Variants in NFATC1 observed in about 807,000 individuals in gnomAD.
NFATC1 encodes the protein nuclear factor of activated T-cells, cytoplasmic 1.
In NFATC1, 22 loss-of-function variants were observed where a neutral mutation model predicts 76.0. The ratio of observed to expected loss-of-function variants is 0.29; its 90% CI spans 0.21 to 0.41. The LOEUF (loss-of-function observed/expected upper bound fraction) is 0.41. NFATC1 is among the 10% of genes least tolerant of loss of function. NFATC1 has a pLI of 1.00. For synonymous variants in NFATC1, 704 were observed against 613.1 expected, an observed-to-expected ratio of 1.15 and a Z score of -2.19; for missense variants, 1,357 against 1,337.7, an observed-to-expected ratio of 1.01 and a Z score of -0.23.
intron 2 of NFATC1, among the ~76,000 whole-genome samples, chr18:79,419,580 GTTA>G (rs2086001344): frequency 6.6e-6 from 1 of 152,166 alleles, no homozygotes; most frequent in African/African-American, 2.4e-5. Flanking sequence ...AACCTGCCTG[GTTA>G]GCTCAGATGC....
chr18:79,440,402 G>A (rs773765645), intron 3 of NFATC1, among the ~76,000 whole-genome samples: 6 of 152,228 alleles, frequency 3.9e-5, no homozygotes, highest in South Asian at 2.1e-4. Flanking sequence ...GAGTGGACAC[G>A]TCACCTGGAG....
intron 8 of NFATC1, among the ~76,000 whole-genome samples, chr18:79,476,112 G>C (rs2089056411): frequency 6.6e-6 from 1 of 152,216 alleles, no homozygotes; most frequent in Non-Finnish European, 1.5e-5. Flanking sequence ...CAAACCAGGA[G>C]GTGTGAGTCA....
At chr18:79,490,037 C>T (rs2089630965) in intron 9 of NFATC1, among the ~76,000 whole-genome samples, 1 of 152,224 alleles carries the variant, frequency 6.6e-6, no homozygotes, top group African/African-American at 2.4e-5. Flanking sequence ...GCCAGGACCA[C>T]AGCAGTTAGG....
At chr18:79,458,144 C>G (rs2087837587) in intron 6 of NFATC1, among the ~76,000 whole-genome samples, 1 of 152,208 alleles carries the variant, frequency 6.6e-6, no homozygotes, top group African/African-American at 2.4e-5. Context: ...GCCCTGCAGG[C>G]AGATGTGCAG....
chr18:79,422,025 C>T (rs2086111087), intron 2 of NFATC1: 2 of 152,230 alleles, frequency 1.3e-5, no homozygotes, highest in African/African-American at 4.8e-5. Context: ...ATTTGAGAAA[C>T]CGCTGTATTT....
rs755032846 is a variant in NFATC1, at chr18:79,451,964, G to A, written c.1903+148G>A. On this transcript the variant is annotated intron_variant, in intron 6 of 9. Coordinates refer to ENST00000427363, the MANE Select transcript of NFATC1 (RefSeq NM_001278669.2). ...ACGGAGCAGAGGCTCTGCGTGGCCC[G>A]TGTCTGCATCCGGCTGTGGGTTTTT... 13 of 915,640 alleles carry A rather than the reference G, an allele frequency of 1.4e-5. 1 individual carries two copies. In the East Asian group the frequency reaches 2.2e-4, roughly 15 times the overall value. 56.7% of individuals were successfully genotyped at this position (915,640 alleles called of 1,614,324 possible). A position where few individuals can be genotyped will look rare whatever the true frequency, so the allele number is the denominator to read the frequency against.
chr18:79,511,351 C>T (rs1478293904), intron 9 of NFATC1, among the ~76,000 whole-genome samples: 1 of 152,174 alleles, frequency 6.6e-6, no homozygotes, highest in Non-Finnish European at 1.5e-5. Context: ...GCCAGCACCT[C>T]GCCACACGAT....
chr18:79,487,531 G>C (rs770639263), intron 9 of NFATC1, among the ~76,000 whole-genome samples: 1 of 152,222 alleles, frequency 6.6e-6, no homozygotes, highest in African/African-American at 2.4e-5. Flanking sequence ...CCCTGGGCTC[G>C]CACAGCGCGG....
intron 9 of NFATC1, among the ~76,000 whole-genome samples, chr18:79,495,362 G>A (rs1009646882): frequency 5.9e-5 from 9 of 152,216 alleles, no homozygotes; most frequent in African/African-American, 1.9e-4. Context: ...TGAATTCTAT[G>A]CTGTTTCTAG....
chr18:79,399,696 G>A (rs1197460561), intron 1 of NFATC1, among the ~76,000 whole-genome samples: 3 of 152,208 alleles, frequency 2.0e-5, no homozygotes, highest in African/African-American at 4.8e-5. Flanking sequence ...CGGGGCGGGG[G>A]CGCGCAGGGC....
At chr18:79,476,648 G>A (rs1023356191) in intron 8 of NFATC1, among the ~76,000 whole-genome samples, 17 of 152,160 alleles carry the variant, frequency 1.1e-4, no homozygotes, top group East Asian at 5.8e-4. Flanking sequence ...GATGTTGCTC[G>A]GGGTCGACGT....
At chr18:79,431,116 G>T (rs995056782) in intron 2 of NFATC1, among the ~76,000 whole-genome samples, 1 of 152,198 alleles carries the variant, frequency 6.6e-6, no homozygotes, top group African/African-American at 2.4e-5. Flanking sequence ...GCAGGCACCC[G>T]CAGGGCCCAA....
chr18:79,521,963 G>GA (rs2090606420), intron 9 of NFATC1, among the ~76,000 whole-genome samples: 1 of 94,242 alleles, frequency 1.1e-5, no homozygotes, highest in African/African-American at 4.3e-5. Context: ...GAGGTTGTCT[G>GA]CTGTGTGTGG....
chr18:79,494,903 C>G (rs1338898279), intron 9 of NFATC1, among the ~76,000 whole-genome samples: 25 of 123,126 alleles, frequency 2.0e-4, no homozygotes, highest in African/African-American at 3.4e-4. Flanking sequence ...AACCTGGTAC[C>G]GCCGGGGGAA....
chr18:79,446,296 C>G (rs1600734334), intron 3 of NFATC1, among the ~76,000 whole-genome samples: 1 of 152,196 alleles, frequency 6.6e-6, no homozygotes, highest in South Asian at 2.1e-4. Flanking sequence ...TCACAGCATT[C>G]CACACACCAT....
At chr18:79,513,251 C>A (rs540100141) in intron 9 of NFATC1, among the ~76,000 whole-genome samples, 1 of 152,328 alleles carries the variant, frequency 6.6e-6, no homozygotes, top group South Asian at 2.1e-4. Context: ...CCGTCCCCGG[C>A]CCCCACCTGT....
intron 3 of NFATC1, among the ~76,000 whole-genome samples, chr18:79,445,139 C>T (rs898529937): frequency 1.3e-5 from 2 of 152,238 alleles, no homozygotes; most frequent in Non-Finnish European, 1.5e-5. Flanking sequence ...TCGATTTTTC[C>T]TGGTATCTTG....
chr18:79,484,043 T>C (rs767500510), intron 8 of NFATC1, among the ~76,000 whole-genome samples: 1 of 149,394 alleles, frequency 6.7e-6, no homozygotes, highest in African/African-American at 2.5e-5. Context: ...TGGGGTGTCA[T>C]TCCAGGGTGA....
intron 9 of NFATC1, among the ~76,000 whole-genome samples, chr18:79,500,524 G>T (rs2089990060): frequency 6.6e-6 from 1 of 152,044 alleles, no homozygotes; most frequent in Admixed American, 6.6e-5. Context: ...TGGAAAAAAG[G>T]AAATGCTGAG....
Sources: gnomAD v4.1 joint callset for allele counts (sites outside exome capture counted in the v4.1 genomes callset) on GRCh38, gnomAD v4.1.1 for gene constraint, MANE v1.5 for transcripts, NCBI Gene and HGNC (gene_info 2026-07-23, HGNC 2026-07-21) for gene names.